WIPF2: variants seen among roughly 807,000 people sequenced by gnomAD.
The protein encoded by WIPF2 is WAS/WASL-interacting protein family member 2.
WIPF2 carries 23 observed loss-of-function variants against 38.8 expected under a neutral mutation model. The ratio of observed to expected loss-of-function variants is 0.59; its 90% CI spans 0.43 to 0.84. The LOEUF is 0.84. Among genes scored for constraint, WIPF2 ranks in the 40% least tolerant of loss-of-function variants. The probability of loss-of-function intolerance (pLI) is 0.00; values close to 1 mark genes in which losing one functional copy is unlikely to be tolerated. For synonymous variants in WIPF2, 210 were observed against 223.2 expected, an observed-to-expected ratio of 0.94 and a Z score of 0.53; for missense variants, 574 against 580.5, an observed-to-expected ratio of 0.99 and a Z score of 0.11.
At chr17:40,247,530 T>A (rs1005773843) in intron 1 of WIPF2, among the ~76,000 whole-genome samples, 1 of 150,358 alleles carries the variant, frequency 6.7e-6, no homozygotes. Context: ...TTTTTTTTTT[T>A]ACTTTTTTTG....
intron 5 of WIPF2, among the ~76,000 whole-genome samples, chr17:40,269,388 G>A (rs927657694): frequency 6.6e-6 from 1 of 151,190 alleles, no homozygotes; most frequent in East Asian, 2.0e-4. Context: ...GCGTGTGCCT[G>A]TGGTCCCAGC....
chr17:40,278,448 T>C lies in WIPF2; in HGVS notation c.*223T>C. The C allele has an allele frequency of 1.8e-6, 1 of 548,842 alleles. No homozygotes were observed. The highest frequency in any genetic ancestry group is 3.0e-5 in the East Asian group (1 of 33,302). The allele number at this position is 548,842 out of a possible 1,614,324, so 34.0% of individuals were successfully genotyped here. On this transcript the variant is annotated 3_prime_UTR_variant, in exon 8 of 8. Transcript: ENST00000323571. The stretch of plus-strand genomic sequence containing the variant: ...TGACAGTAGGATCTCAAACCCTGCA[T>C]CCATCCTTCCTCCAGCAAGCCCTGC...
At chr17:40,265,235 T>A in intron 5 of WIPF2, 89 bp downstream of exon 5, 3 of 1,448,198 alleles carry the variant, frequency 2.1e-6, no homozygotes, top group Non-Finnish European at 2.8e-6. Context: ...GTAATTCGTT[T>A]ATTCACTCAG....
chr17:40,237,802 C>G (rs1459453991), intron 1 of WIPF2, among the ~76,000 whole-genome samples: 1 of 149,348 alleles, frequency 6.7e-6, no homozygotes. Context: ...CACACCACCA[C>G]GCCCAGCTAA....
chr17:40,254,590 T>C (rs901807242), intron 1 of WIPF2, among the ~76,000 whole-genome samples: 6 of 152,096 alleles, frequency 3.9e-5, no homozygotes, highest in Non-Finnish European at 8.8e-5. Context: ...ACTATATAGT[T>C]TTTGAGTTTT....
At chr17:40,237,610 G>A (rs2031026836) in intron 1 of WIPF2, among the ~76,000 whole-genome samples, 2 of 150,810 alleles carry the variant, frequency 1.3e-5, no homozygotes, top group Admixed American at 1.3e-4. Flanking sequence ...CTCTGTTGTC[G>A]CTTAATTCCT....
rs980520168 is a variant in WIPF2 at position 40,219,420 on chromosome 17, G to A, written c.-142G>A. ...CGGCGACGGCGAGAAAGAGCTTGCC[G>A]GGGGGCGAGCAGGACAGGACGAAGC... On this transcript the variant is annotated 5_prime_UTR_variant, in exon 1 of 8. Coordinates refer to ENST00000323571, the MANE Select transcript of WIPF2 (RefSeq NM_133264.5). The A allele has an allele frequency of 1.6e-4, 61 of 388,420 alleles. No homozygotes were observed. The East Asian group carries it at 3.6e-3, about 23-fold the overall frequency. The allele number at this position is 388,420 out of a possible 1,614,324, so 24.1% of individuals were successfully genotyped here. A position where few individuals can be genotyped will look rare whatever the true frequency, so the allele number is the denominator to read the frequency against.
At chr17:40,224,692 T>A (rs1238347301) in intron 1 of WIPF2, among the ~76,000 whole-genome samples, 1 of 151,852 alleles carries the variant, frequency 6.6e-6, no homozygotes, top group African/African-American at 2.4e-5. Flanking sequence ...CTTGTCTGTG[T>A]CACAGTTTGA....
chr17:40,249,888 G>A lies in WIPF2; in HGVS notation c.-69-6503G>A, dbSNP rs187357942. Among the ~76,000 whole-genome samples the A allele has an allele frequency of 3.3e-3, 489 of 149,590 alleles. 2 individuals are homozygous for A. The highest frequency in any genetic ancestry group is 0.012 in the African/African-American group (468 of 40,580). On this transcript the variant is annotated intron_variant, in intron 1 of 7. Coordinates refer to ENST00000323571, the MANE Select transcript of WIPF2 (RefSeq NM_133264.5). ...CGCACTGTCACCTGGGCTGGAGTGC[G>A]GTGACGTGACCTTGGCTAACTGCAA...
chr17:40,225,172 T>C (rs1446035985), intron 1 of WIPF2, among the ~76,000 whole-genome samples: 1 of 152,142 alleles, frequency 6.6e-6, no homozygotes, highest in Non-Finnish European at 1.5e-5. Context: ...ATCTAGTGAT[T>C]AAATGCAGAA....
Position 40,219,362 on chromosome 17 carries a change from G to GGGCGGT in WIPF2, c.-194_-189dup, listed in dbSNP as rs1555557728. On this transcript the variant is annotated 5_prime_UTR_variant, in exon 1 of 8. Coordinates refer to ENST00000323571, the MANE Select transcript of WIPF2 (RefSeq NM_133264.5). ...AGATCCATTTCCGGGTTGGCAAAAG[G>GGGCGGT]GGCGGTGGCGGCGGCGGCGGCGGCG... The GGGCGGT allele has an allele frequency of 1.1e-5, 4 of 378,380 alleles. No homozygotes were observed. The highest frequency in any genetic ancestry group is 2.4e-5 in the African/African-American group (1 of 41,628). 23.4% of individuals were successfully genotyped at this position (378,380 alleles called of 1,614,324 possible).
chr17:40,265,056 C>G lies in WIPF2; in HGVS notation c.880C>G (p.Leu294Val), dbSNP rs752070798. 6.2e-7 allele frequency: 1 copy of G among 1,613,924 alleles called. No individual in the cohort carries two copies. Among genetic ancestry groups the G allele is most frequent in the African/African-American group, 1.3e-5 (1 of 74,916 alleles). Residue 294 changes from leucine to valine, a missense_variant, in exon 5 of 8, where the codon CTA (leucine) becomes GTA (valine). Transcript: ENST00000323571. ...HRKTPGPVRG[L>V]APPPPTSASP... ...GAAGACACCAGGGCCTGTCAGAGGC[C>G]TAGCACCTCCTCCACCCACCTCGGC...
chr17:40,256,312 A>G (rs2031729644), intron 1 of WIPF2, 79 bp from the exon 2 acceptor site: 4 of 1,167,240 alleles, frequency 3.4e-6, no homozygotes, highest in East Asian at 2.7e-5. Flanking sequence ...TTTGATTACC[A>G]TGCCCAGTTC....
chr17:40,266,976 T>C (rs994846184), intron 5 of WIPF2, among the ~76,000 whole-genome samples: 4 of 152,096 alleles, frequency 2.6e-5, no homozygotes, highest in Non-Finnish European at 5.9e-5. Context: ...GCTTCTGTTT[T>C]CTCAGTGAAA....
intron 6 of WIPF2, among the ~76,000 whole-genome samples, chr17:40,275,351 T>A (rs1275499492): frequency 2.0e-5 from 3 of 152,120 alleles, no homozygotes. Flanking sequence ...GGGCCTCACT[T>A]CCCTTATTTG....
At chr17:40,257,557 A>T (rs1238074095) in intron 2 of WIPF2, among the ~76,000 whole-genome samples, 1 of 151,910 alleles carries the variant, frequency 6.6e-6, no homozygotes, top group African/African-American at 2.4e-5. Context: ...TCACGCCTGT[A>T]ATCCCAACAC....
Position 40,264,732 on chromosome 17 carries a change from G to C in WIPF2, c.556G>C (p.Ala186Pro). The C allele has an allele frequency of 6.2e-7, 1 of 1,605,830 alleles. No individual in the cohort carries two copies. Among genetic ancestry groups the C allele is most frequent in the Non-Finnish European group, 8.5e-7 (1 of 1,176,600 alleles). Reference sequence around the variant, plus strand: ...TCCCCCACCACCCCCAGGGCGGCGTGCCAACGCACCCCCCACACCTCTGCC... The same window carrying C: ...TCCCCCACCACCCCCAGGGCGGCGTCCCAACGCACCCCCCACACCTCTGCC... ...APPPPPPGRRANAPPTPLPMH... is the reference protein window; with the variant it reads ...APPPPPPGRRPNAPPTPLPMH... Residue 186 changes from alanine to proline, a missense_variant, in exon 5 of 8, where the codon GCC (alanine) becomes CCC (proline). Ala to Pro is a conservative substitution (Grantham distance 27). Transcript: ENST00000323571.
At chr17:40,238,502 C>T (rs556589361) in intron 1 of WIPF2, among the ~76,000 whole-genome samples, 2 of 152,146 alleles carry the variant, frequency 1.3e-5, no homozygotes, top group South Asian at 4.1e-4. Flanking sequence ...AGGGTTTTAC[C>T]ATGTTGGCCA....
At chr17:40,269,245 G>A (rs902446772) in intron 5 of WIPF2, among the ~76,000 whole-genome samples, 1 of 152,024 alleles carries the variant, frequency 6.6e-6, no homozygotes, top group Non-Finnish European at 1.5e-5. Flanking sequence ...GCTTGAACCC[G>A]GGAGATTGTG....
Sources: allele counts gnomAD v4.1 joint callset (sites outside exome capture counted in the v4.1 genomes callset), GRCh38; gene constraint gnomAD v4.1.1; transcripts MANE v1.5; gene names NCBI Gene and HGNC (gene_info 2026-07-23, HGNC 2026-07-21).